Variants in CLVS1 observed in about 807,000 individuals in gnomAD.
CLVS1 encodes clavesin-1.
CLVS1 carries 10 observed loss-of-function variants against 33.1 expected under a neutral mutation model. The ratio of observed to expected loss-of-function variants is 0.30; its 90% CI spans 0.19 to 0.51. CLVS1 has a LOEUF of 0.51. Among genes scored for constraint, CLVS1 ranks in the 20% least tolerant of loss-of-function variants. CLVS1 has a pLI of 0.97. For synonymous variants in CLVS1, 163 were observed against 166.1 expected, an observed-to-expected ratio of 0.98 and a Z score of 0.14; for missense variants, 343 against 433.4, an observed-to-expected ratio of 0.79 and a Z score of 1.85.
intron 5 of CLVS1, among the ~76,000 whole-genome samples, chr8:61,487,202 G>A (rs150695999): frequency 2.4e-4 from 37 of 152,266 alleles, no homozygotes; most frequent in Non-Finnish European, 4.6e-4. Flanking sequence ...GAGTGTAGTC[G>A]TTTCCCACAT....
chr8:61,398,727 C>A (rs540977308), intron 3 of CLVS1, among the ~76,000 whole-genome samples: 11 of 152,188 alleles, frequency 7.2e-5, no homozygotes, highest in African/African-American at 2.4e-4. Flanking sequence ...CCGACAGGCC[C>A]CAGTATGTTG....
At chr8:61,253,832 T>C (rs1809006006) in intron 2 of CLVS1, among the ~76,000 whole-genome samples, 1 of 152,198 alleles carries the variant, frequency 6.6e-6, no homozygotes, top group Non-Finnish European at 1.5e-5. Flanking sequence ...CTTATCTTTT[T>C]TCAAGGTTTT....
At chr8:61,338,544 A>G (rs1364762953) in intron 2 of CLVS1, among the ~76,000 whole-genome samples, 1 of 152,204 alleles carries the variant, frequency 6.6e-6, no homozygotes, top group East Asian at 1.9e-4. Context: ...AAGGCTCACT[A>G]GCACAGGCAA....
intron 1 of CLVS1, among the ~76,000 whole-genome samples, chr8:61,086,768 G>A (rs546339638): frequency 5.9e-4 from 90 of 151,888 alleles, no homozygotes; most frequent in Non-Finnish European, 9.1e-4. Flanking sequence ...TGTCTCCTAC[G>A]GTTATTTTCT....
At chr8:61,356,482 C>G (rs1812713168) in intron 2 of CLVS1, among the ~76,000 whole-genome samples, 1 of 150,734 alleles carries the variant, frequency 6.6e-6, no homozygotes, top group East Asian at 1.9e-4. Context: ...GACATGAAGT[C>G]CTTGCTCATG....
the CLVS1 span, among the ~76,000 whole-genome samples, chr8:60,976,972 A>C: frequency 6.6e-6 from 1 of 152,234 alleles, no homozygotes; most frequent in Non-Finnish European, 1.5e-5. Context: ...AGGGGATTTA[A>C]AGAGACAGGA....
chr8:61,091,013 C>T, intron 1 of CLVS1: 1 of 466,654 alleles, frequency 2.1e-6, no homozygotes, highest in Non-Finnish European at 4.2e-6. Context: ...CATTTGCACC[C>T]TAATCCCCAG....
At chr8:61,469,511 G>T (rs187394112) in intron 5 of CLVS1, among the ~76,000 whole-genome samples, 53 of 152,248 alleles carry the variant, frequency 3.5e-4, no homozygotes, top group African/African-American at 1.3e-3. Context: ...TCCCCACTTG[G>T]CCCCTGCCTG....
intron 3 of CLVS1, among the ~76,000 whole-genome samples, chr8:61,401,144 T>C (rs970531327): frequency 6.6e-6 from 1 of 151,916 alleles, no homozygotes; most frequent in African/African-American, 2.4e-5. Flanking sequence ...CTTTGCTGAA[T>C]TGACTTATTA....
At chr8:61,275,455 C>T (rs142820093) in intron 2 of CLVS1, among the ~76,000 whole-genome samples, 103 of 152,328 alleles carry the variant, frequency 6.8e-4, no homozygotes, top group African/African-American at 2.4e-3. Context: ...CATCTTGCAT[C>T]ATTTCCACTG....
intron 5 of CLVS1, among the ~76,000 whole-genome samples, chr8:61,466,977 C>A (rs1032543759): frequency 5.9e-5 from 9 of 152,302 alleles, no homozygotes; most frequent in Admixed American, 5.2e-4. Context: ...GGCACGTGTG[C>A]ACACACAGAA....
intron 1 of CLVS1, 193 bp downstream of exon 1, chr8:61,288,331 C>G (rs896779530): frequency 2.0e-5 from 9 of 451,628 alleles, no homozygotes; most frequent in African/African-American, 1.8e-4. Context: ...CTCCTCCCGG[C>G]GCCCGCTCAG....
chr8:61,075,867 C>G (rs1296603278), intron 1 of CLVS1, among the ~76,000 whole-genome samples: 2 of 152,192 alleles, frequency 1.3e-5, no homozygotes, highest in African/African-American at 4.8e-5. Flanking sequence ...CTTCCTTCTT[C>G]CCTTACATCT....
chr8:61,159,093 A>G (rs1336279716), intron 2 of CLVS1, among the ~76,000 whole-genome samples: 1 of 152,154 alleles, frequency 6.6e-6, no homozygotes, highest in African/African-American at 2.4e-5. Flanking sequence ...GGCTGGTCTC[A>G]AACTCCTGGG....
At chr8:61,164,600 C>A (rs559254549) in intron 2 of CLVS1, among the ~76,000 whole-genome samples, 13 of 152,092 alleles carry the variant, frequency 8.5e-5, no homozygotes, top group Non-Finnish European at 1.8e-4. Context: ...AAGTCCCCCC[C>A]GCCCAGGCTA....
chr8:61,152,543 G>A (rs1403732546), intron 2 of CLVS1, among the ~76,000 whole-genome samples: 1 of 152,096 alleles, frequency 6.6e-6, no homozygotes, highest in African/African-American at 2.4e-5. Context: ...TCCTCACAAG[G>A]CAGAAAGGGT....
At chr8:61,317,771 G>A (rs1443486748) in intron 2 of CLVS1, among the ~76,000 whole-genome samples, 2 of 151,996 alleles carry the variant, frequency 1.3e-5, no homozygotes, top group Admixed American at 1.3e-4. Flanking sequence ...CAATTTCTCT[G>A]TTCTCATCCC....
At chr8:61,390,950 T>A (rs974168856) in intron 3 of CLVS1, 1 of 151,180 alleles carries the variant, frequency 6.6e-6, no homozygotes, top group African/African-American at 2.4e-5. Context: ...TATATAAAAC[T>A]CACTAGTGTT....
At chr8:61,372,784 C>T (rs756606591) in intron 2 of CLVS1, among the ~76,000 whole-genome samples, 15 of 152,092 alleles carry the variant, frequency 9.9e-5, no homozygotes, top group African/African-American at 2.4e-4. Context: ...GAATGTCCCT[C>T]AATTGGAATT....
Sources: gnomAD v4.1 joint callset for allele counts (sites outside exome capture counted in the v4.1 genomes callset) on GRCh38, gnomAD v4.1.1 for gene constraint, MANE v1.5 for transcripts, NCBI Gene and HGNC (gene_info 2026-07-23, HGNC 2026-07-21) for gene names.